Variants in CCDC148 observed in about 807,000 individuals in gnomAD.
CCDC148 encodes coiled-coil domain-containing protein 148.
In CCDC148, 89 loss-of-function variants were observed where a neutral mutation model predicts 85.7. That is an observed-to-expected ratio of 1.04 (90% CI 0.87 to 1.24). The LOEUF is 1.24. Among genes scored for constraint, CCDC148 ranks in the 50% most tolerant of loss-of-function variants. The pLI is 0.00. For missense variants in CCDC148, 692 were observed against 671.7 expected (o/e 1.03, Z -0.33); for synonymous variants, 230 against 213.9 (o/e 1.08, Z -0.66).
At chr2:158,437,518 AT>A (rs1343380377) in intron 1 of CCDC148, among the ~76,000 whole-genome samples, 1 of 152,224 alleles carries the variant, frequency 6.6e-6, no homozygotes, top group Non-Finnish European at 1.5e-5. Context: ...CACAGCCAAT[AT>A]CATACTGAAT....
At chr2:158,207,100 A>C (rs1686288851) in intron 11 of CCDC148, among the ~76,000 whole-genome samples, 1 of 152,186 alleles carries the variant, frequency 6.6e-6, no homozygotes, top group Non-Finnish European at 1.5e-5. Context: ...TTCTTTCACT[A>C]TACACTGTTT....
chr2:158,302,163 T>C (rs912517547), intron 9 of CCDC148, among the ~76,000 whole-genome samples: 23 of 152,236 alleles, frequency 1.5e-4, no homozygotes, highest in African/African-American at 5.5e-4. Context: ...ACCCTTCATC[T>C]AGAGGAAGGC....
At chr2:158,386,122 G>A (rs980684991) in intron 1 of CCDC148, among the ~76,000 whole-genome samples, 2 of 152,006 alleles carry the variant, frequency 1.3e-5, no homozygotes, top group Non-Finnish European at 2.9e-5. Flanking sequence ...GCGGTTGGGG[G>A]GCAGTGCGGG....
At chr2:158,282,646 A>T (rs1245510563) in intron 9 of CCDC148, among the ~76,000 whole-genome samples, 1 of 152,252 alleles carries the variant, frequency 6.6e-6, no homozygotes, top group Non-Finnish European at 1.5e-5. Context: ...CAGAAATGGA[A>T]AAACATTCCA....
intron 1 of CCDC148, among the ~76,000 whole-genome samples, chr2:158,374,524 C>A (rs1016957482): frequency 6.6e-6 from 1 of 151,796 alleles, no homozygotes; most frequent in Admixed American, 6.6e-5. Flanking sequence ...CTTGTGCGTG[C>A]GCTCTCTCTC....
At chr2:158,315,955 G>A (rs745631036) in intron 7 of CCDC148, among the ~76,000 whole-genome samples, 3 of 152,118 alleles carry the variant, frequency 2.0e-5, no homozygotes, top group Non-Finnish European at 4.4e-5. Flanking sequence ...ACACTTTCTT[G>A]CTTACACATT....
At chr2:158,260,385 A>T (rs188297193) in intron 9 of CCDC148, among the ~76,000 whole-genome samples, 52 of 152,168 alleles carry the variant, frequency 3.4e-4, no homozygotes, top group Admixed American at 2.5e-3. Context: ...ACTGTCTATG[A>T]CAAACCCACA....
chr2:158,204,845 C>T (rs2105286050), intron 11 of CCDC148, among the ~76,000 whole-genome samples: 1 of 152,276 alleles, frequency 6.6e-6, no homozygotes, highest in South Asian at 2.1e-4. Context: ...ACATGAAGAA[C>T]ACAGGAATGT....
chr2:158,306,113 G>A (rs1392154680), intron 9 of CCDC148, among the ~76,000 whole-genome samples: 4 of 152,184 alleles, frequency 2.6e-5, no homozygotes, highest in African/African-American at 9.7e-5. Flanking sequence ...TAGATGAAGG[G>A]TTGACTACAA....
chr2:158,245,015 A>C (rs1486092983), intron 10 of CCDC148, among the ~76,000 whole-genome samples: 1 of 152,180 alleles, frequency 6.6e-6, no homozygotes, highest in Non-Finnish European at 1.5e-5. Flanking sequence ...AACAGATTTT[A>C]TAATGTCATG....
chr2:158,438,549 C>G (rs1205745455), intron 1 of CCDC148, among the ~76,000 whole-genome samples: 3 of 152,164 alleles, frequency 2.0e-5, no homozygotes, highest in African/African-American at 7.2e-5. Flanking sequence ...CAATACCATT[C>G]AGGACATAGG....
At chr2:158,429,078 T>C (rs182570391) in intron 1 of CCDC148, among the ~76,000 whole-genome samples, 45 of 151,774 alleles carry the variant, frequency 3.0e-4, no homozygotes, top group Admixed American at 5.9e-4. Context: ...TATGTGGGAA[T>C]TGAACAACGA....
intron 7 of CCDC148, among the ~76,000 whole-genome samples, chr2:158,316,878 C>T (rs1158389575): frequency 6.6e-6 from 1 of 152,188 alleles, no homozygotes; most frequent in Non-Finnish European, 1.5e-5. Context: ...GAGGAACATG[C>T]ACTTTGAACT....
intron 11 of CCDC148, among the ~76,000 whole-genome samples, chr2:158,191,056 C>T (rs1558969163): frequency 6.6e-6 from 1 of 152,076 alleles, no homozygotes; most frequent in African/African-American, 2.4e-5. Context: ...ATTGTGAGAA[C>T]TGATTTTAAT....
intron 11 of CCDC148, among the ~76,000 whole-genome samples, chr2:158,197,741 T>C (rs1337259593): frequency 1.3e-5 from 2 of 152,098 alleles, no homozygotes; most frequent in East Asian, 3.8e-4. Flanking sequence ...TACTTCCCTA[T>C]TTTTTTATTG....
At chr2:158,241,593 AAATG>A (rs1372042347) in intron 10 of CCDC148, among the ~76,000 whole-genome samples, 1 of 152,284 alleles carries the variant, frequency 6.6e-6, no homozygotes, top group African/African-American at 2.4e-5. Context: ...TTGAACAAGC[AAATG>A]AATGAATGAT....
At chr2:158,377,914 C>A (rs1204488988) in intron 1 of CCDC148, among the ~76,000 whole-genome samples, 1 of 152,046 alleles carries the variant, frequency 6.6e-6, no homozygotes, top group Non-Finnish European at 1.5e-5. Context: ...TTTCCCTCTC[C>A]TGGGCTGTCC....
intron 1 of CCDC148, chr2:158,393,431 A>C (rs1374269020): frequency 6.6e-6 from 1 of 152,168 alleles, no homozygotes; most frequent in Non-Finnish European, 1.5e-5. Context: ...GGTGATGTAT[A>C]AGGTGAGTCT....
intron 1 of CCDC148, among the ~76,000 whole-genome samples, chr2:158,389,295 A>G (rs1423438947): frequency 6.6e-6 from 1 of 152,192 alleles, no homozygotes; most frequent in Non-Finnish European, 1.5e-5. Context: ...TAGTCCTTCA[A>G]TGAATTTGGT....
Sources: allele counts gnomAD v4.1 joint callset (sites outside exome capture counted in the v4.1 genomes callset), GRCh38; gene constraint gnomAD v4.1.1; transcripts MANE v1.5; gene names NCBI Gene and HGNC (gene_info 2026-07-23, HGNC 2026-07-21).